The following ZC3HAV1 variants were observed in gnomAD, a reference collection of about 807,000 sequenced individuals.
ZC3HAV1 encodes the protein zinc finger CCCH-type containing, antiviral 1.
ZC3HAV1 carries 41 observed loss-of-function variants against 86.6 expected under a neutral mutation model. That is an observed-to-expected ratio of 0.47 (90% CI 0.37 to 0.61). The LOEUF (loss-of-function observed/expected upper bound fraction) is 0.61, where lower values mean the gene tolerates loss of function less well. Ranked by LOEUF, ZC3HAV1 falls within the 20% of genes least tolerant of loss-of-function variation. The pLI, the probability that ZC3HAV1 is intolerant of heterozygous loss-of-function variation, is 0.00. For missense variants in ZC3HAV1, 964 were observed against 1,141.1 expected (o/e 0.84, Z 2.24); for synonymous variants, 421 against 432.1 (o/e 0.97, Z 0.32).
intron 9 of ZC3HAV1, among the ~76,000 whole-genome samples, chr7:139,058,063 A>G (rs1368526599): frequency 1.3e-5 from 2 of 152,036 alleles, no homozygotes; most frequent in African/African-American, 4.8e-5. Flanking sequence ...GTAGTTCAGG[A>G]TAGTACCCCA....
At chr7:139,072,276 G>C (rs145813423) in intron 7 of ZC3HAV1, among the ~76,000 whole-genome samples, 1,652 of 151,748 alleles carry the variant, frequency 0.011, 29 homozygotes, top group African/African-American at 0.038. Context: ...ACCTCTGCCT[G>C]CAGGTTCAAG....
chr7:139,058,593 G>A (rs951177214), intron 9 of ZC3HAV1, among the ~76,000 whole-genome samples: 1 of 152,194 alleles, frequency 6.6e-6, no homozygotes, highest in Admixed American at 6.5e-5. Context: ...GTAGAAGTGG[G>A]TAAGTACTAT....
chr7:139,055,927 G>C (rs979939503), intron 9 of ZC3HAV1, among the ~76,000 whole-genome samples: 2 of 152,250 alleles, frequency 1.3e-5, no homozygotes, highest in Admixed American at 6.5e-5. Context: ...TAGTATAGTG[G>C]AATGATCAGA....
rs201595969 is a variant in ZC3HAV1, at chr7:139,100,573, A to C, written c.308+8451T>G. 7.9e-5 allele frequency among the ~76,000 whole-genome samples: 12 copies of C among 152,134 alleles called. No homozygotes were observed. In the East Asian group the frequency reaches 1.4e-3, roughly 17 times the overall value. ...ACAAAAACAAAAACAAACAAAAAAA[A>C]CCACAGTGATACAATTTCACATTCC... On this transcript the variant is annotated intron_variant, in intron 1 of 12. Transcript: ENST00000242351.
Position 139,045,317 on chromosome 7 carries a change from C to A in ZC3HAV1, c.*2277G>T, listed in dbSNP as rs998446886. Reference sequence around the variant, plus strand: ...ACTGAAAGGAAGCCAGAGTGGCTTGCGCAGAAGAAACTAAATGATAGAGGG... The same window carrying A: ...ACTGAAAGGAAGCCAGAGTGGCTTGAGCAGAAGAAACTAAATGATAGAGGG... On this transcript the variant is annotated 3_prime_UTR_variant, in exon 13 of 13. Transcript: ENST00000242351. 1 of 151,904 alleles carries A rather than the reference C, an allele frequency of 6.6e-6. No individual in the cohort carries two copies. Among genetic ancestry groups the A allele is most frequent in the African/African-American group, 2.4e-5 (1 of 41,366 alleles). The allele number at this position is 151,904 out of a possible 1,614,324, so 9.4% of individuals were successfully genotyped here.
In ZC3HAV1 at chr7:139,108,645, G is replaced by A. The variant is rs1818007962; in HGVS notation, c.308+379C>T. ...GGAGGGAAAGACTCAAGATACCAAA[G>A]ACGGGAGGCTCTTTCCTTCCTTCCC... On this transcript the variant is annotated intron_variant, in intron 1 of 12. Coordinates refer to ENST00000242351, the MANE Select transcript of ZC3HAV1 (RefSeq NM_020119.4). The surrounding 1 kb of genome is among the most constrained non-coding windows in gnomAD (Gnocchi z 4.2). Among the ~76,000 whole-genome samples, 1 of 152,212 alleles carries A rather than the reference G, an allele frequency of 6.6e-6. No homozygotes were observed. Among genetic ancestry groups the A allele is most frequent in the African/African-American group, 2.4e-5 (1 of 41,456 alleles).
intron 1 of ZC3HAV1, among the ~76,000 whole-genome samples, chr7:139,095,231 A>G (rs1563139808): frequency 6.6e-6 from 1 of 152,176 alleles, no homozygotes; most frequent in Non-Finnish European, 1.5e-5. Context: ...CTAACGCGAT[A>G]TTATTTTAAA....
intron 2 of ZC3HAV1, among the ~76,000 whole-genome samples, chr7:139,088,007 G>A (rs1385007240): frequency 5.8e-5 from 8 of 137,646 alleles, no homozygotes; most frequent in Admixed American, 2.3e-4. Context: ...ACTACAGCCC[G>A]GGTGACAGAG....
Position 139,047,818 on chromosome 7 carries a change from T to G in ZC3HAV1, c.2485A>C (p.Lys829Gln). 6.2e-7 allele frequency: 1 copy of G among 1,613,800 alleles called. No homozygotes were observed. Among genetic ancestry groups the G allele is most frequent in the Non-Finnish European group, 8.5e-7 (1 of 1,179,976 alleles). The stretch of plus-strand genomic sequence containing the variant: ...TTTTTGGCATCATACGGGCAATTTT[T>G]GTGGGAATAGATGGCATCTTTTGCA... ...YFAKDAIYSH[K>Q]NCPYDAKNVV... The change falls in exon 13 of 13, where the codon AAA (lysine) becomes CAA (glutamine). Residue 829 changes from lysine to glutamine, a missense_variant. Transcript: ENST00000242351.
At chr7:139,064,698 G>A (rs112880897) in intron 8 of ZC3HAV1, among the ~76,000 whole-genome samples, 181 bp downstream of exon 8, 47 of 152,312 alleles carry the variant, frequency 3.1e-4, no homozygotes, top group African/African-American at 9.9e-4. Context: ...GCAAGTGTTC[G>A]TCACAGCCAG....
rs141183688 is a variant in ZC3HAV1 at position 139,073,568 on chromosome 7, A to G, written c.1872+288T>C. 6.3e-4 allele frequency among the ~76,000 whole-genome samples: 96 copies of G among 152,170 alleles called. 4 individuals are homozygous for G. The highest frequency in any genetic ancestry group is 2.1e-3 in the African/African-American group (89 of 41,528). On this transcript the variant is annotated intron_variant, in intron 7 of 12. Coordinates refer to ENST00000242351, the MANE Select transcript of ZC3HAV1 (RefSeq NM_020119.4). Reference sequence around the variant, plus strand: ...TGCAGTGGCGAAATCTCAGCTCACTACAACCTCCACCTCCCGGGTTCAAGA... The same window carrying G: ...TGCAGTGGCGAAATCTCAGCTCACTGCAACCTCCACCTCCCGGGTTCAAGA...
chr7:139,070,603 G>T (rs1356613269), intron 7 of ZC3HAV1, among the ~76,000 whole-genome samples: 1 of 147,958 alleles, frequency 6.8e-6, no homozygotes, highest in African/African-American at 2.6e-5. Flanking sequence ...GGCGGGGCTT[G>T]CAGTAAGCCG....
At chr7:139,048,408 C>A (rs1228194140) in intron 12 of ZC3HAV1, among the ~76,000 whole-genome samples, 1 of 152,000 alleles carries the variant, frequency 6.6e-6, no homozygotes, top group Non-Finnish European at 1.5e-5. Flanking sequence ...GAATTTGAGA[C>A]CAGCCTGGGC....
At chr7:139,101,077 G>C (rs1189617921) in intron 1 of ZC3HAV1, among the ~76,000 whole-genome samples, 1 of 151,912 alleles carries the variant, frequency 6.6e-6, no homozygotes, top group African/African-American at 2.4e-5. Context: ...GCTCCTAACC[G>C]CGAGTGATCC....
chr7:139,058,029 C>T (rs17133444), intron 9 of ZC3HAV1, among the ~76,000 whole-genome samples: 19,224 of 151,842 alleles, frequency 0.13, 1,386 homozygotes, highest in Middle Eastern at 0.21. Flanking sequence ...TGACGTGTGC[C>T]GTAGTTCACT....
At chr7:139,094,420 G>A (rs1203456382) in intron 1 of ZC3HAV1, among the ~76,000 whole-genome samples, 2 of 150,676 alleles carry the variant, frequency 1.3e-5, no homozygotes, top group Admixed American at 6.6e-5. Context: ...CAAAACAAGC[G>A]TTTGCAGAAT....
intron 6 of ZC3HAV1, among the ~76,000 whole-genome samples, chr7:139,074,604 ACTC>A (rs1816879593): frequency 6.6e-6 from 1 of 151,580 alleles, no homozygotes; most frequent in South Asian, 2.1e-4. Context: ...AAAATATAAA[ACTC>A]CTCTCAATAA....
Position 139,080,042 on chromosome 7 carries a change from A to G in ZC3HAV1, c.899T>C (p.Leu300Pro). ...AGGCCGAGCGCGATCCTGACTCCCC[A>G]GATACGTGAACTTGCGGGTGAGATC... Reference protein sequence around the residue: ...VDDLTRKFTYLGSQDRARPPS... With the variant: ...VDDLTRKFTYPGSQDRARPPS... Residue 300 changes from leucine to proline, a missense_variant, in exon 4 of 13, where the codon CTG becomes CCG. Physicochemically the swap from Leu to Pro is moderately conservative, Grantham distance 98 (BLOSUM62 -3). Transcript: ENST00000242351. 8 of 1,614,154 alleles carry G rather than the reference A, an allele frequency of 5.0e-6. No individual in the cohort carries two copies. The highest frequency in any genetic ancestry group is 6.8e-6 in the Non-Finnish European group (8 of 1,180,026).
At chr7:139,103,050 T>A (rs538256201) in intron 1 of ZC3HAV1, among the ~76,000 whole-genome samples, 4 of 150,164 alleles carry the variant, frequency 2.7e-5, no homozygotes, top group East Asian at 1.9e-4. Context: ...TGTAAAAAAA[T>A]TTTTTTGGAG....
Sources: allele counts gnomAD v4.1 joint callset (sites outside exome capture counted in the v4.1 genomes callset), GRCh38; gene constraint gnomAD v4.1.1; non-coding constraint Gnocchi (gnomAD v3.1); transcripts MANE v1.5; gene names NCBI Gene and HGNC (gene_info 2026-07-23, HGNC 2026-07-21).